The following HKDC1 variants were observed in gnomAD, a reference collection of about 807,000 sequenced individuals.
The protein encoded by HKDC1 is hexokinase HKDC1.
In HKDC1, 66 loss-of-function variants were observed where a neutral mutation model predicts 96.6. The ratio of observed to expected loss-of-function variants is 0.68; its 90% CI spans 0.56 to 0.84. HKDC1 has a LOEUF of 0.84. Among genes scored for constraint, HKDC1 ranks in the 40% least tolerant of loss-of-function variants. The pLI is 0.00. For synonymous variants in HKDC1, 466 were observed against 473.1 expected, an observed-to-expected ratio of 0.98 and a Z score of 0.20; for missense variants, 1,211 against 1,208.1, an observed-to-expected ratio of 1.00 and a Z score of -0.04.
At chr10:69,248,775 G>A (rs1167734117) in intron 10 of HKDC1, 47 bp downstream of exon 10, 8 of 1,504,482 alleles carry the variant, frequency 5.3e-6, no homozygotes, top group Admixed American at 2.2e-5. Flanking sequence ...CAGGGCTCCC[G>A]TCAAAACTCC....
rs544831414 is a variant in HKDC1 at position 69,266,835 on chromosome 10, A to G, written c.*78A>G. ...TGGCAGATCAGTTGGTCAGAGACCA[A>G]TGGGCACCCTCCTGGCTGACCTCAC... On this transcript the variant is annotated 3_prime_UTR_variant, in exon 18 of 18. Transcript: ENST00000354624. The G allele has an allele frequency of 4.5e-4, 657 of 1,453,382 alleles. 4 individuals are homozygous for G. In the Admixed American group the frequency reaches 0.012, roughly 26 times the overall value. 90.0% of individuals were successfully genotyped at this position (1,453,382 alleles called of 1,614,324 possible). A position where few individuals can be genotyped will look rare whatever the true frequency, so the allele number is the denominator to read the frequency against.
intron 10 of HKDC1, 126 bp downstream of exon 10, chr10:69,248,854 A>G: frequency 4.8e-6 from 4 of 834,926 alleles, no homozygotes; most frequent in Non-Finnish European, 7.2e-6. Context: ...CAAGAGTAAG[A>G]AGAAGGCTAG....
chr10:69,248,869 C>A, intron 10 of HKDC1, 141 bp downstream of exon 10: 2 of 764,172 alleles, frequency 2.6e-6, no homozygotes, highest in Non-Finnish European at 4.1e-6. Context: ...GGCTAGTATT[C>A]TTTCTAAATC....
chr10:69,259,180 G>A (rs1843769879), intron 15 of HKDC1, among the ~76,000 whole-genome samples: 1 of 152,248 alleles, frequency 6.6e-6, no homozygotes, highest in African/African-American at 2.4e-5. Flanking sequence ...ATAAGGTCTA[G>A]TGGTGGTTCT....
chr10:69,258,929 A>G lies in HKDC1; in HGVS notation c.2186A>G (p.Asp729Gly), dbSNP rs1409469838. 1.3e-6 allele frequency: 2 copies of G among 1,594,286 alleles called. No homozygotes were observed. The highest frequency in any genetic ancestry group is 2.3e-5 in the South Asian group (2 of 87,982). ...TGGACCCGATACGACACGGAGGTGG[A>G]TGAGGGGTCCTTGAATCCTGGCAAG... is the stretch of plus-strand genomic sequence containing the variant. Reference protein sequence around the residue: ...DIWTRYDTEVDEGSLNPGKQR... With the variant: ...DIWTRYDTEVGEGSLNPGKQR... Residue 729 changes from aspartate to glycine, a missense_variant, in exon 15 of 18, where the codon GAT becomes GGT. Asp to Gly is a moderately conservative substitution (Grantham distance 94). Coordinates refer to ENST00000354624, the MANE Select transcript of HKDC1 (RefSeq NM_025130.4).
intron 4 of HKDC1, among the ~76,000 whole-genome samples, chr10:69,234,876 A>G (rs1050686498): frequency 6.6e-6 from 1 of 152,260 alleles, no homozygotes; most frequent in Non-Finnish European, 1.5e-5. Flanking sequence ...ATTTGATTCC[A>G]TCGTGGGAAT....
chr10:69,266,481 A>T, intron 17 of HKDC1, 129 bp from the exon 18 acceptor site: 2 of 881,192 alleles, frequency 2.3e-6, no homozygotes, highest in Non-Finnish European at 3.3e-6. Flanking sequence ...AAAAAAAATT[A>T]GAAGAAGCTG....
intron 16 of HKDC1, among the ~76,000 whole-genome samples, chr10:69,264,330 T>A (rs1297234987): frequency 1.3e-5 from 2 of 151,586 alleles, no homozygotes; most frequent in African/African-American, 4.8e-5. Context: ...TTTTTCACTA[T>A]GTCATGAAGA....
At chr10:69,227,494 C>T in intron 2 of HKDC1, 125 bp downstream of exon 2, 1 of 994,124 alleles carries the variant, frequency 1.0e-6, no homozygotes, top group Non-Finnish European at 1.5e-6. Context: ...TCCCACCCTC[C>T]CTGCCCCTCT....
chr10:69,239,752 T>C (rs1004836654), intron 5 of HKDC1, among the ~76,000 whole-genome samples: 30 of 147,090 alleles, frequency 2.0e-4, no homozygotes, highest in Non-Finnish European at 3.6e-4. Context: ...TTTTCCCTTA[T>C]TGTTTTCATT....
chr10:69,242,529 G>T (rs537247501), intron 6 of HKDC1, among the ~76,000 whole-genome samples: 1 of 150,564 alleles, frequency 6.6e-6, no homozygotes, highest in Non-Finnish European at 1.5e-5. Context: ...TGTAGTAAAC[G>T]TATAGTTTTG....
At chr10:69,221,025 C>T (rs975697046) in intron 1 of HKDC1, among the ~76,000 whole-genome samples, 1 of 152,102 alleles carries the variant, frequency 6.6e-6, no homozygotes, top group Non-Finnish European at 1.5e-5. Flanking sequence ...TGGCGGGCAC[C>T]TGTAATCCCA....
In HKDC1 at chr10:69,265,646, T is replaced by C; in HGVS notation, c.2434T>C (p.Cys812Arg). 1 of 1,614,080 alleles carries C rather than the reference T, an allele frequency of 6.2e-7. No homozygotes were observed. The highest frequency in any genetic ancestry group is 8.5e-7 in the Non-Finnish European group (1 of 1,179,980). ...ILQQLGLDST[C>R]EDSIVVKEVC... is the part of the protein sequence containing the mutation. ...GCAGCAGCTGGGCCTGGACAGCACG[T>C]GTGAGGACAGCATCGTGGTGAAGGA... Residue 812 changes from cysteine (C) to arginine (R), a missense_variant, in exon 17 of 18, where the codon TGT becomes CGT. Cys to Arg is a radical substitution (Grantham distance 180, BLOSUM62 -3). Coordinates refer to ENST00000354624, the MANE Select transcript of HKDC1 (RefSeq NM_025130.4).
At chr10:69,256,520 A>C (rs527255823) in intron 12 of HKDC1, among the ~76,000 whole-genome samples, 35 of 152,306 alleles carry the variant, frequency 2.3e-4, no homozygotes, top group Non-Finnish European at 3.2e-4. Context: ...CAGCCTGGCC[A>C]ACATGGTGAA....
intron 7 of HKDC1, among the ~76,000 whole-genome samples, chr10:69,244,008 T>C (rs1406556502): frequency 1.3e-5 from 2 of 151,938 alleles, no homozygotes; most frequent in African/African-American, 2.4e-5. Flanking sequence ...ACCTGGGCAG[T>C]GAGGAGAAGG....
At chr10:69,259,029 C>A in intron 15 of HKDC1, 70 bp downstream of exon 15, 2 of 1,213,518 alleles carry the variant, frequency 1.6e-6, no homozygotes, top group Non-Finnish European at 2.2e-6. Context: ...TAAGGGGGTA[C>A]CATAGACAGC....
intron 12 of HKDC1, among the ~76,000 whole-genome samples, chr10:69,252,973 C>CGTGTGTGTGTGTGTGTGT (rs57083436): frequency 7.1e-6 from 1 of 140,180 alleles, no homozygotes; most frequent in South Asian, 2.4e-4. Flanking sequence ...CATCTCTAAA[C>CGTGTGTGTGTGTGTGTGT]GTGTGTGTGT....
chr10:69,261,183 G>T lies in HKDC1; in HGVS notation c.2261G>T (p.Arg754Leu). The T allele has an allele frequency of 6.2e-7, 1 of 1,614,062 alleles. No homozygotes were observed. The highest frequency in any genetic ancestry group is 1.1e-5 in the South Asian group (1 of 91,062). ...GGGATGTACTTGGGGGAGATTGTGCGGCAGATCCTGATCGACCTGACCAAG... is the reference window on the plus strand; with the variant it reads ...GGGATGTACTTGGGGGAGATTGTGCTGCAGATCCTGATCGACCTGACCAAG... ...TSGMYLGEIV[R>L]QILIDLTKQG... The change falls in exon 16 of 18, where the codon CGG (arginine) becomes CTG (leucine). Residue 754 changes from arginine (R) to leucine (L), a missense_variant. Arg to Leu is a moderately radical substitution (Grantham distance 102). Coordinates refer to ENST00000354624, the MANE Select transcript of HKDC1 (RefSeq NM_025130.4).
intron 8 of HKDC1, among the ~76,000 whole-genome samples, chr10:69,246,778 G>A (rs1363320341): frequency 6.6e-6 from 1 of 152,204 alleles, no homozygotes; most frequent in African/African-American, 2.4e-5. Context: ...ACGGCGGCTG[G>A]CCCCGGTGTG....
Sources: allele counts gnomAD v4.1 joint callset (sites outside exome capture counted in the v4.1 genomes callset), GRCh38; gene constraint gnomAD v4.1.1; transcripts MANE v1.5; gene names NCBI Gene and HGNC (gene_info 2026-07-23, HGNC 2026-07-21).